Variants in HEATR4 observed in about 807,000 individuals in gnomAD.
HEATR4 encodes HEAT repeat-containing protein 4.
HEATR4 carries 95 observed loss-of-function variants against 108.8 expected under a neutral mutation model. The ratio of observed to expected loss-of-function variants is 0.87; its 90% CI spans 0.74 to 1.04. HEATR4 has a LOEUF of 1.04. HEATR4 is among the 50% of genes least tolerant of loss of function. The pLI is 0.00. For missense variants in HEATR4, 1,152 were observed against 1,253.8 expected (o/e 0.92, Z 1.23); for synonymous variants, 443 against 459.4 (o/e 0.96, Z 0.46).
chr14:73,524,310 A>AAAAAAAAAAATATAT lies in HEATR4; in HGVS notation c.-72-1087_-72-1086insATATATTTTTTTTTT. On this transcript the variant is annotated intron_variant, in intron 2 of 17. Coordinates refer to ENST00000553558, the MANE Select transcript of HEATR4 (RefSeq NM_001220484.1). ...CTCCGTCTCAAAAAAAAAAAAAAAAAATATATATATATATATATATATATA... is the reference window on the plus strand; with the variant it reads ...CTCCGTCTCAAAAAAAAAAAAAAAAAAAAAAAAAAATATATATATATATATATATATATATATATA... 2.9e-4 allele frequency among the ~76,000 whole-genome samples: 16 copies of AAAAAAAAAAATATAT among 54,776 alleles called. 1 individual carries two copies. Among genetic ancestry groups the AAAAAAAAAAATATAT allele is most frequent in the African/African-American group, 1.4e-3 (16 of 11,342 alleles). The allele number at this position is 54,776 out of a possible 152,430, so 35.9% of individuals were successfully genotyped here. A position where few individuals can be genotyped will look rare whatever the true frequency, so the allele number is the denominator to read the frequency against.
At position 73,491,111 on chromosome 14, in the gene HEATR4, C is replaced by A. The variant is rs73293424; in HGVS notation, c.2844+1955G>T. On this transcript the variant is annotated intron_variant, in intron 17 of 17. Transcript: ENST00000553558. ...GCCACACAGCGGGTCGGTCCTGGCC[C>A]TGCCCTTGAGGTCCAGGAAGATACG... The A allele has an allele frequency of 3.1e-3, 4,920 of 1,606,864 alleles. 110 individuals are homozygous for A. In the African/African-American group the frequency reaches 0.046, roughly 15 times the overall value.
At chr14:73,611,204 A>T in the HEATR4 span, among the ~76,000 whole-genome samples, 2 of 152,288 alleles carry the variant, frequency 1.3e-5, no homozygotes, top group South Asian at 4.1e-4. Flanking sequence ...GGGCATCACT[A>T]TATGCTCTTC....
rs912374663 is a variant in HEATR4 at position 73,516,669 on chromosome 14, A to G, written c.1210+2354T>C. Among the ~76,000 whole-genome samples, 22 of 152,316 alleles carry G rather than the reference A, an allele frequency of 1.4e-4. No individual in the cohort carries two copies. In the East Asian group the frequency reaches 4.2e-3, roughly 29 times the overall value. ...CCAGGCCATGGGCCTGTACCAGTTC[A>G]TGGCCTGTTAGGAACCGGGCCACCA... is the stretch of plus-strand genomic sequence containing the variant. On this transcript the variant is annotated intron_variant, in intron 5 of 17. Coordinates refer to ENST00000553558, the MANE Select transcript of HEATR4 (RefSeq NM_001220484.1).
intron 3 of HEATR4, among the ~76,000 whole-genome samples, chr14:73,521,788 G>A (rs747840900): frequency 5.3e-5 from 8 of 152,144 alleles, no homozygotes; most frequent in Non-Finnish European, 1.0e-4. Flanking sequence ...ACCAAACCTC[G>A]GTGCTATGAG....
chr14:73,592,104 C>G, the HEATR4 span: 1 of 1,507,796 alleles, frequency 6.6e-7, no homozygotes, highest in African/African-American at 1.5e-5. Context: ...CTTCCGGGCC[C>G]ACGCGCGCTA....
chr14:73,522,315 G>T lies in HEATR4; in HGVS notation c.838C>A (p.Gln280Lys), dbSNP rs778210125. Reference sequence around the variant, plus strand: ...AGCAGTTCTGGCTTCTTCTTTTCCTGTGGGGGCAGGATGACACTTTGATCC... The same window carrying T: ...AGCAGTTCTGGCTTCTTCTTTTCCTTTGGGGGCAGGATGACACTTTGATCC... Reference protein sequence around the residue: ...FEDQSVILPPQEKKKPELLLP... With the variant: ...FEDQSVILPPKEKKKPELLLP... The change falls in exon 3 of 18, where the codon CAG (glutamine) becomes AAG (lysine). Residue 280 changes from glutamine (Q) to lysine (K), a missense_variant. Coordinates refer to ENST00000553558, the MANE Select transcript of HEATR4 (RefSeq NM_001220484.1). 1.9e-6 allele frequency: 3 copies of T among 1,614,228 alleles called. No individual in the cohort carries two copies. The highest frequency in any genetic ancestry group is 1.1e-5 in the South Asian group (1 of 91,090).
chr14:73,617,402 C>T, the HEATR4 span, among the ~76,000 whole-genome samples: 1 of 152,076 alleles, frequency 6.6e-6, no homozygotes, highest in African/African-American at 2.4e-5. Context: ...ATTGCTTGAC[C>T]CCAGGAGTTC....
the HEATR4 span, chr14:73,569,943 C>G: frequency 2.0e-6 from 3 of 1,535,626 alleles, no homozygotes; most frequent in African/African-American, 2.7e-5. Flanking sequence ...GTGTCTCCCC[C>G]GCCCCACGCT....
chr14:73,479,153 T>C (rs1252626347), intron 17 of HEATR4, among the ~76,000 whole-genome samples: 2 of 151,184 alleles, frequency 1.3e-5, no homozygotes, highest in Non-Finnish European at 2.9e-5. Context: ...TCTCACACTC[T>C]CTCCCAGGCT....
At chr14:73,593,919 C>A in the HEATR4 span, 1 of 1,596,192 alleles carries the variant, frequency 6.3e-7, no homozygotes, top group South Asian at 1.1e-5. Context: ...TCCTCATGTC[C>A]TTTATTTAAT....
the HEATR4 span, chr14:73,573,336 C>A: frequency 6.2e-7 from 1 of 1,610,976 alleles, no homozygotes; most frequent in Non-Finnish European, 8.5e-7. Flanking sequence ...TTAAACCATC[C>A]AACTGTTTCA....
At chr14:73,595,860 A>T in the HEATR4 span, 1 of 478,442 alleles carries the variant, frequency 2.1e-6, no homozygotes, top group African/African-American at 2.0e-5. Flanking sequence ...CATATGACAC[A>T]TATAAGTGAA....
chr14:73,592,209 C>T, the HEATR4 span: 1 of 1,612,644 alleles, frequency 6.2e-7, no homozygotes. Context: ...GCTCTGGGCC[C>T]TGGAACCCGA....
chr14:73,539,107 C>T lies in HEATR4; in HGVS notation c.-151-8863G>A, dbSNP rs1194867332. 6.1e-5 allele frequency: 7 copies of T among 115,114 alleles called. 2 individuals are homozygous for T. The highest frequency in any genetic ancestry group is 5.9e-4 in the Admixed American group (6 of 10,254). The allele number at this position is 115,114 out of a possible 1,614,324, so 7.1% of individuals were successfully genotyped here. ...TCCAACTGGTTTTCTCACTGTATTTCCATGGCAGCTAGGAGGTGCCAGGTG... is the reference window on the plus strand; with the variant it reads ...TCCAACTGGTTTTCTCACTGTATTTTCATGGCAGCTAGGAGGTGCCAGGTG... On this transcript the variant is annotated intron_variant, in intron 1 of 17. Transcript: ENST00000553558.
chr14:73,573,452 G>C, the HEATR4 span: 2 of 1,613,652 alleles, frequency 1.2e-6, no homozygotes, highest in Middle Eastern at 3.3e-4. Context: ...TGGAGTATCG[G>C]GCTAGTCTGC....
At chr14:73,569,543 C>G in the HEATR4 span, 1 of 1,605,028 alleles carries the variant, frequency 6.2e-7, no homozygotes, top group Non-Finnish European at 8.5e-7. Flanking sequence ...CGTCCCTGCG[C>G]GACGAGAAGG....
chr14:73,610,290 C>CTT, the HEATR4 span, among the ~76,000 whole-genome samples: 782 of 140,392 alleles, frequency 5.6e-3, 13 homozygotes, highest in African/African-American at 0.017. Context: ...TCAAGTGTCG[C>CTT]TTTTTTTTTT....
At chr14:73,509,089 A>T (rs1262608806) in intron 8 of HEATR4, among the ~76,000 whole-genome samples, 1 of 151,690 alleles carries the variant, frequency 6.6e-6, no homozygotes, top group Non-Finnish European at 1.5e-5. Flanking sequence ...CTGGTTTAGA[A>T]CTCCTATGCT....
intron 1 of HEATR4, among the ~76,000 whole-genome samples, chr14:73,548,950 CTT>C (rs529991322): frequency 1.9e-5 from 2 of 104,842 alleles, no homozygotes; most frequent in Non-Finnish European, 2.1e-5. Flanking sequence ...CTCTCTCTCT[CTT>C]TTTTTTTTTT....
Sources: gnomAD v4.1 joint callset for allele counts (sites outside exome capture counted in the v4.1 genomes callset) on GRCh38, gnomAD v4.1.1 for gene constraint, MANE v1.5 for transcripts, NCBI Gene and HGNC (gene_info 2026-07-23, HGNC 2026-07-21) for gene names.